Variants in CDH9 observed in about 807,000 individuals in gnomAD.
The protein encoded by CDH9 is cadherin 9.
In CDH9, 28 loss-of-function variants were observed where a neutral mutation model predicts 70.9. The observed-to-expected ratio is 0.40, with a 90% CI of 0.29 to 0.54. The LOEUF (loss-of-function observed/expected upper bound fraction) is 0.54, where lower values mean the gene tolerates loss of function less well. Among genes scored for constraint, CDH9 ranks in the 20% least tolerant of loss-of-function variants. The pLI, the probability that CDH9 is intolerant of heterozygous loss-of-function variation, is 0.59. For missense variants in CDH9, 874 were observed against 984.4 expected (o/e 0.89, Z 1.50); for synonymous variants, 409 against 343.1 (o/e 1.19, Z -2.12).
intron 1 of CDH9, among the ~76,000 whole-genome samples, chr5:27,018,855 T>A (rs185528829): frequency 1.2e-4 from 18 of 152,092 alleles, no homozygotes; most frequent in Admixed American, 1.2e-3. Flanking sequence ...CAGTCTGGAC[T>A]GGGGCACTAC....
chr5:26,972,600 C>T (rs899135758), intron 2 of CDH9, among the ~76,000 whole-genome samples: 2 of 152,080 alleles, frequency 1.3e-5, no homozygotes, highest in Non-Finnish European at 1.5e-5. Flanking sequence ...GAAAAGTCTG[C>T]CTACAAGTGG....
chr5:26,986,095 G>A (rs1459853226), intron 2 of CDH9, among the ~76,000 whole-genome samples: 1 of 151,816 alleles, frequency 6.6e-6, no homozygotes, highest in Non-Finnish European at 1.5e-5. Context: ...TCTTTAAAAA[G>A]TAGTATAAGT....
chr5:27,033,563 G>A (rs1045860784), intron 1 of CDH9, among the ~76,000 whole-genome samples: 7 of 150,984 alleles, frequency 4.6e-5, no homozygotes, highest in Non-Finnish European at 7.4e-5. Flanking sequence ...AAGTTTTCTT[G>A]AACTGTTAAG....
At chr5:27,012,247 C>T (rs114182042) in intron 1 of CDH9, among the ~76,000 whole-genome samples, 2,603 of 151,712 alleles carry the variant, frequency 0.017, 81 homozygotes, top group African/African-American at 0.059. Context: ...TGTTGTACTC[C>T]GTTGTTTTTA....
chr5:26,901,919 T>C (rs1051301069), intron 7 of CDH9, among the ~76,000 whole-genome samples: 1 of 151,926 alleles, frequency 6.6e-6, no homozygotes, highest in African/African-American at 2.4e-5. Flanking sequence ...GAGAATATAA[T>C]TGACATAATA....
intron 1 of CDH9, among the ~76,000 whole-genome samples, chr5:27,026,260 T>C (rs185012508): frequency 9.2e-5 from 14 of 152,142 alleles, no homozygotes; most frequent in African/African-American, 3.4e-4. Context: ...ATTGCTGAGA[T>C]AAGCATAATA....
At chr5:27,008,735 T>C (rs767032656) in intron 1 of CDH9, among the ~76,000 whole-genome samples, 2 of 152,176 alleles carry the variant, frequency 1.3e-5, no homozygotes, top group Non-Finnish European at 2.9e-5. Flanking sequence ...TAAGTGTTAA[T>C]GTGATTGCAT....
At chr5:26,901,645 T>C (rs1315107861) in intron 7 of CDH9, among the ~76,000 whole-genome samples, 1 of 151,908 alleles carries the variant, frequency 6.6e-6, no homozygotes, top group Non-Finnish European at 1.5e-5. Context: ...TAACAGATTA[T>C]TGTATTGTCT....
rs1195431337 is a variant in CDH9 at position 26,906,139 on chromosome 5, G to A, written c.644-13C>T. ...GTTTTTATTATGCCTTTTGGAAAAA[G>A]CAGACAAAAGTTTTGCAATTAAATC... On this transcript the variant is annotated splice_polypyrimidine_tract_variant and intron_variant, in intron 4 of 11. Transcript: ENST00000231021. The A allele has an allele frequency of 6.2e-7, 1 of 1,601,378 alleles. No homozygotes were observed. Among genetic ancestry groups the A allele is most frequent in the Admixed American group, 1.7e-5 (1 of 57,620 alleles).
intron 2 of CDH9, among the ~76,000 whole-genome samples, chr5:26,968,768 C>T (rs1233927361): frequency 2.6e-5 from 4 of 151,456 alleles, no homozygotes; most frequent in African/African-American, 9.8e-5. Flanking sequence ...GGAGATGGTG[C>T]CATATTTAAA....
intron 1 of CDH9, among the ~76,000 whole-genome samples, chr5:27,012,584 A>G (rs1232333486): frequency 6.6e-6 from 1 of 152,036 alleles, no homozygotes; most frequent in Non-Finnish European, 1.5e-5. Flanking sequence ...GCATAACATG[A>G]GTCTAATGTA....
chr5:26,997,291 G>GTA (rs1224458341), intron 1 of CDH9, among the ~76,000 whole-genome samples: 1 of 151,778 alleles, frequency 6.6e-6, no homozygotes, highest in Admixed American at 6.6e-5. Context: ...GTGTGTGTGT[G>GTA]TATATATGTC....
At chr5:27,033,866 A>G (rs1183822147) in intron 1 of CDH9, among the ~76,000 whole-genome samples, 2 of 151,578 alleles carry the variant, frequency 1.3e-5, no homozygotes, top group Non-Finnish European at 3.0e-5. Context: ...TAAAAGCAGT[A>G]TATTTTATAT....
chr5:26,906,000 G>A lies in CDH9; in HGVS notation c.770C>T (p.Thr257Met), dbSNP rs771361447. ...AGGGTTGTTGTTGACATCTGTCAGC[G>A]TGATGTTCACTGTGGTGGTTCCAGA... ...GLSGTTTVNI[T>M]LTDVNNNPPR... Residue 257 changes from threonine to methionine, a missense_variant, in exon 5 of 12, where the codon ACG becomes ATG. By Grantham distance (81) the Thr-to-Met change is moderately conservative. Coordinates refer to ENST00000231021, the MANE Select transcript of CDH9 (RefSeq NM_016279.4). 16 of 1,613,360 alleles carry A rather than the reference G, an allele frequency of 9.9e-6. No individual in the cohort carries two copies. Among genetic ancestry groups the A allele is most frequent in the Admixed American group, 8.3e-5 (5 of 59,988 alleles).
At position 26,880,835 on chromosome 5, in the gene CDH9, A is replaced by T. The variant is rs1579657514; in HGVS notation, c.*301T>A. On this transcript the variant is annotated 3_prime_UTR_variant, in exon 12 of 12. Coordinates refer to ENST00000231021, the MANE Select transcript of CDH9 (RefSeq NM_016279.4). ...GTTAAGAAAACATTTATAAATTATT[A>T]TACCTAAGAAAAGGCACAAAAAGCC... The T allele has an allele frequency of 1.5e-5, 3 of 204,818 alleles. No homozygotes were observed. Among genetic ancestry groups the T allele is most frequent in the South Asian group, 1.7e-4 (1 of 5,926 alleles). 12.7% of individuals were successfully genotyped at this position (204,818 alleles called of 1,614,324 possible).
rs192607526 is a variant in CDH9 at position 26,891,814 on chromosome 5, A to G, written c.1254-1250T>C. Reference sequence around the variant, plus strand: ...CCATTGTTGCTGGCTTTAAAGCTGAAGGAATGGAGCCACAAACCAATAAAA... The same window carrying G: ...CCATTGTTGCTGGCTTTAAAGCTGAGGGAATGGAGCCACAAACCAATAAAA... On this transcript the variant is annotated intron_variant, in intron 7 of 11. Transcript: ENST00000231021. Among the ~76,000 whole-genome samples, 4 of 152,310 alleles carry G rather than the reference A, an allele frequency of 2.6e-5. No individual in the cohort carries two copies. In the East Asian group the frequency reaches 7.7e-4, roughly 29 times the overall value.
At chr5:26,913,794 C>A (rs977939999) in intron 3 of CDH9, among the ~76,000 whole-genome samples, 6 of 126,162 alleles carry the variant, frequency 4.8e-5, no homozygotes, top group African/African-American at 2.0e-4. Context: ...TGTGTGTGTG[C>A]ATATTTCAGT....
intron 1 of CDH9, among the ~76,000 whole-genome samples, chr5:26,991,734 T>A (rs553569495): frequency 7.9e-5 from 12 of 152,048 alleles, no homozygotes; most frequent in Non-Finnish European, 1.0e-4. Flanking sequence ...GAAGAAAAAA[T>A]AAAAATAAGG....
chr5:27,029,666 AATGG>A, intron 1 of CDH9, among the ~76,000 whole-genome samples: 1 of 152,138 alleles, frequency 6.6e-6, no homozygotes. Context: ...ATAATCAGGT[AATGG>A]ATGGATGAAT....
Sources: gnomAD v4.1 joint callset for allele counts (sites outside exome capture counted in the v4.1 genomes callset) on GRCh38, gnomAD v4.1.1 for gene constraint, MANE v1.5 for transcripts, NCBI Gene and HGNC (gene_info 2026-07-23, HGNC 2026-07-21) for gene names.